ZNF346: variants seen among roughly 807,000 people sequenced by gnomAD.
ZNF346 encodes the protein double-stranded RNA-binding zinc finger protein JAZ.
ZNF346 carries 23 observed loss-of-function variants against 33.7 expected under a neutral mutation model. The observed-to-expected ratio is 0.68, with a 90% CI of 0.49 to 0.97. The LOEUF is 0.97. Ranked by LOEUF, ZNF346 falls within the 50% of genes least tolerant of loss-of-function variation. ZNF346 has a pLI of 0.00. For missense variants in ZNF346, 340 were observed against 371.1 expected, an observed-to-expected ratio of 0.92 and a Z score of 0.69; for synonymous variants, 134 against 142.4, an observed-to-expected ratio of 0.94 and a Z score of 0.42.
chr5:177,073,496 G>A (rs1008201045), intron 8 of ZNF346, among the ~76,000 whole-genome samples: 2 of 151,976 alleles, frequency 1.3e-5, no homozygotes, highest in African/African-American at 2.4e-5. Context: ...TAGACACAAG[G>A]TCCCACTGTG....
intron 5 of ZNF346, among the ~76,000 whole-genome samples, chr5:177,060,882 G>GGATCCGAGGCGA (rs1782423373): frequency 6.6e-6 from 1 of 152,008 alleles, no homozygotes; most frequent in Non-Finnish European, 1.5e-5. Flanking sequence ...AGGCCGAGGC[G>GGATCCGAGGCGA]GGTGGATCAC....
chr5:177,074,010 TAGAG>T (rs1783631769), intron 8 of ZNF346, among the ~76,000 whole-genome samples: 1 of 151,218 alleles, frequency 6.6e-6, no homozygotes, highest in Non-Finnish European at 1.5e-5. Context: ...ACAGACCAGG[TAGAG>T]AGAGAAGCCA....
At chr5:177,051,003 T>C in intron 5 of ZNF346, 67 bp downstream of exon 5, 1 of 1,300,246 alleles carries the variant, frequency 7.7e-7, no homozygotes, top group Non-Finnish European at 1.1e-6. Context: ...CCGGACCAGC[T>C]GACGTTGTGC....
In ZNF346 at chr5:177,041,142, G is replaced by A; in HGVS notation, c.192G>A (p.Gln64=). Residue 64 remains glutamine, a synonymous_variant, in exon 2 of 7, where the codon CAG becomes CAA. Transcript: ENST00000358149. ...CCTCTATAGTGGAGCACATGATCCA[G>A]AAGAACCAATGTCTCTTCACCAACA... The part of the protein sequence containing the change: ...VGREEVEHMI[Q]KNQCLFTNTQ... The A allele has an allele frequency of 1.9e-6, 3 of 1,614,018 alleles. No individual in the cohort carries two copies. The highest frequency in any genetic ancestry group is 2.5e-6 in the Non-Finnish European group (3 of 1,179,912).
chr5:177,075,455 T>C lies in ZNF346; in HGVS notation c.*3-3927T>C, dbSNP rs1477149677. 2.6e-5 allele frequency among the ~76,000 whole-genome samples: 4 copies of C among 152,182 alleles called. No homozygotes were observed. The East Asian group carries it at 7.7e-4, about 29-fold the overall frequency. ...CACTTTTTAATACTCCTCCCTTCAA[T>C]AGGTCAAGTTTAATTTCTACCCTAT... On this transcript the variant is annotated intron_variant, in intron 8 of 8. Coordinates refer to the ZNF346 transcript ENST00000503039.
intron 1 of ZNF346, among the ~76,000 whole-genome samples, chr5:177,026,191 G>A (rs911115594): frequency 2.0e-5 from 3 of 151,798 alleles, no homozygotes; most frequent in African/African-American, 7.2e-5. Context: ...TTTTAGTAGA[G>A]ATGGGGTTTC....
At chr5:177,064,344 A>G (rs927527956) in intron 6 of ZNF346, among the ~76,000 whole-genome samples, 168 bp from the exon 7 acceptor site, 3 of 152,228 alleles carry the variant, frequency 2.0e-5, no homozygotes, top group Non-Finnish European at 4.4e-5. Flanking sequence ...TGAGGATGGA[A>G]TGATGGAAGC....
rs537240235 is a variant in ZNF346 at position 177,076,766 on chromosome 5, C to T, written c.*3-2616C>T. ...CTTTAATAAGTATCGTTGAGCCGGG[C>T]GTGGTGGCTCACGCCTGTAATCCCA... is the stretch of plus-strand genomic sequence containing the variant. On this transcript the variant is annotated intron_variant, in intron 8 of 8. Coordinates refer to the ZNF346 transcript ENST00000503039. Among the ~76,000 whole-genome samples, 159 of 152,248 alleles carry T rather than the reference C, an allele frequency of 1.0e-3. 1 individual carries two copies. The highest frequency in any genetic ancestry group is 2.1e-4 in the South Asian group (1 of 4,820).
intron 1 of ZNF346, among the ~76,000 whole-genome samples, chr5:177,037,818 A>G (rs1372603123): frequency 6.6e-6 from 1 of 152,160 alleles, no homozygotes; most frequent in Non-Finnish European, 1.5e-5. Flanking sequence ...CTCTCATTAC[A>G]CTAACAATAA....
intron 3 of ZNF346, among the ~76,000 whole-genome samples, chr5:177,043,365 A>G (rs1779610710): frequency 6.6e-6 from 1 of 152,112 alleles, no homozygotes; most frequent in Non-Finnish European, 1.5e-5. Context: ...GTTATTTTAC[A>G]TATTTGCACC....
At chr5:177,024,851 T>C (rs1776534889) in intron 1 of ZNF346, among the ~76,000 whole-genome samples, 1 of 152,250 alleles carries the variant, frequency 6.6e-6, no homozygotes, top group African/African-American at 2.4e-5. Flanking sequence ...GGCACTGTTA[T>C]GACCCATTTC....
At position 177,065,882 on chromosome 5, in the gene ZNF346, T is replaced by TGTGTGTGTG. The variant is rs1562041922; in HGVS notation, c.*1283_*1284insGTGTGTGTG. On this transcript the variant is annotated 3_prime_UTR_variant, in exon 7 of 7. Coordinates refer to ENST00000358149, the MANE Select transcript of ZNF346 (RefSeq NM_012279.4). The stretch of plus-strand genomic sequence containing the variant: ...GATGTGTGTGTGTGTGTGTGTGTGT[T>TGTGTGTGTG]TGTGTGTATGTGTGTGCTTCTGTGT... 2.5e-4 allele frequency: 35 copies of TGTGTGTGTG among 139,576 alleles called. No individual in the cohort carries two copies. Among genetic ancestry groups the TGTGTGTGTG allele is most frequent in the African/African-American group, 9.7e-4 (32 of 32,994 alleles). The allele number at this position is 139,576 out of a possible 1,614,324, so 8.6% of individuals were successfully genotyped here. A position where few individuals can be genotyped will look rare whatever the true frequency, so the allele number is the denominator to read the frequency against.
At chr5:177,076,112 G>T (rs1783734162) in intron 8 of ZNF346, among the ~76,000 whole-genome samples, 1 of 152,246 alleles carries the variant, frequency 6.6e-6, no homozygotes, top group South Asian at 2.1e-4. Flanking sequence ...ACTGTGCCTG[G>T]CTGTGACTCA....
downstream of ZNF346, among the ~76,000 whole-genome samples, chr5:177,068,691 G>A (rs1783350875): frequency 2.8e-5 from 4 of 142,978 alleles, 2 homozygotes; most frequent in Admixed American, 2.7e-4. Flanking sequence ...CTAAAGCTGA[G>A]TCAGCTCCAC....
intron 4 of ZNF346, among the ~76,000 whole-genome samples, chr5:177,045,730 A>AG (rs1327530439): frequency 6.6e-6 from 1 of 151,776 alleles, no homozygotes; most frequent in East Asian, 1.9e-4. Context: ...GCCTTAAGTG[A>AG]TACTCCCATC....
At chr5:177,054,788 G>A (rs987467054) in intron 5 of ZNF346, among the ~76,000 whole-genome samples, 56 of 152,072 alleles carry the variant, frequency 3.7e-4, no homozygotes, top group African/African-American at 1.3e-3. Context: ...AGTGGGGAGT[G>A]GTGGCGGGAC....
intron 8 of ZNF346, among the ~76,000 whole-genome samples, chr5:177,073,745 C>T (rs1354182347): frequency 1.3e-5 from 2 of 150,866 alleles, no homozygotes; most frequent in Non-Finnish European, 3.0e-5. Context: ...TAATGGCCTC[C>T]CATGAATCAT....
intron 5 of ZNF346, among the ~76,000 whole-genome samples, chr5:177,058,030 A>G (rs1479175697): frequency 2.7e-5 from 4 of 150,748 alleles, no homozygotes; most frequent in Non-Finnish European, 5.9e-5. Flanking sequence ...CATGTTGGCC[A>G]TGCTGGTCTC....
chr5:177,031,280 G>A (rs1377137084), intron 1 of ZNF346, among the ~76,000 whole-genome samples: 2 of 152,116 alleles, frequency 1.3e-5, no homozygotes, highest in African/African-American at 2.4e-5. Context: ...GTGATCTGCC[G>A]CCTTGGCCTC....
Sources: gnomAD v4.1 joint callset for allele counts (sites outside exome capture counted in the v4.1 genomes callset) on GRCh38, gnomAD v4.1.1 for gene constraint, MANE v1.5 for transcripts, NCBI Gene and HGNC (gene_info 2026-07-23, HGNC 2026-07-21) for gene names.